The following NPY1R variants were observed in gnomAD, a reference collection of about 807,000 sequenced individuals.
NPY1R encodes neuropeptide Y receptor type 1.
In NPY1R, 10 loss-of-function variants were observed where a neutral mutation model predicts 24.1. The ratio of observed to expected loss-of-function variants is 0.42; its 90% CI spans 0.26 to 0.71. The LOEUF is 0.71. Ranked by LOEUF, NPY1R falls within the 30% of genes least tolerant of loss-of-function variation. The pLI, the probability that NPY1R is intolerant of heterozygous loss-of-function variation, is 0.28. For missense variants in NPY1R, 350 were observed against 458.0 expected (o/e 0.76, Z 2.15); for synonymous variants, 168 against 165.9 (o/e 1.01, Z -0.10).
intron 1 of NPY1R, among the ~76,000 whole-genome samples, chr4:163,327,863 T>C (rs1428292934): frequency 6.6e-6 from 1 of 152,130 alleles, no homozygotes; most frequent in African/African-American, 2.4e-5. Context: ...ACTAAGTAAA[T>C]ATGTGAGACG....
intron 1 of NPY1R, among the ~76,000 whole-genome samples, chr4:163,342,227 A>G (rs1337169658): frequency 2.0e-5 from 3 of 152,328 alleles, no homozygotes; most frequent in East Asian, 1.9e-4. Flanking sequence ...AAAAAATAAG[A>G]TTTTTTAATA....
chr4:163,332,283 T>C (rs141250862), intron 1 of NPY1R, among the ~76,000 whole-genome samples, 199 bp downstream of exon 1: 1 of 151,964 alleles, frequency 6.6e-6, no homozygotes, highest in Non-Finnish European at 1.5e-5. Context: ...ACCCGCGTCG[T>C]CCCCATACCC....
upstream of NPY1R, among the ~76,000 whole-genome samples, chr4:163,336,547 G>A (rs1468846382): frequency 1.3e-5 from 2 of 152,030 alleles, no homozygotes; most frequent in South Asian, 2.1e-4. Context: ...CCTGACTCCC[G>A]CTCCCCAAAA....
intron 1 of NPY1R, among the ~76,000 whole-genome samples, chr4:163,341,794 C>T (rs1734986122): frequency 2.0e-5 from 3 of 152,136 alleles, no homozygotes; most frequent in Admixed American, 1.3e-4. Flanking sequence ...TATTCCCCTT[C>T]GCTAAGATGT....
At chr4:163,333,141 T>A (rs1349735579), upstream of NPY1R, 1 of 152,180 alleles carries the variant, frequency 6.6e-6, no homozygotes, top group Non-Finnish European at 1.5e-5. Flanking sequence ...GTCAAAGCAG[T>A]CAATCGGCCC....
chr4:163,334,974 C>G (rs969402078), upstream of NPY1R, among the ~76,000 whole-genome samples: 3 of 151,774 alleles, frequency 2.0e-5, no homozygotes, highest in Non-Finnish European at 4.4e-5. Flanking sequence ...TAGACATGGT[C>G]CAATGGCCAA....
intron 1 of NPY1R, among the ~76,000 whole-genome samples, chr4:163,331,933 GT>G (rs1734738607): frequency 6.6e-6 from 1 of 152,178 alleles, no homozygotes; most frequent in Admixed American, 6.5e-5. Flanking sequence ...GCGCGCTGGG[GT>G]CCGCGCCGAG....
chr4:163,329,784 C>G (rs1228920798), intron 1 of NPY1R, among the ~76,000 whole-genome samples: 1 of 151,904 alleles, frequency 6.6e-6, no homozygotes, highest in African/African-American at 2.4e-5. Flanking sequence ...ACAAAAATCC[C>G]TAAGGCCCAT....
chr4:163,330,844 T>TA (rs1734709101), intron 1 of NPY1R: 1 of 152,218 alleles, frequency 6.6e-6, no homozygotes, highest in Admixed American at 6.5e-5. Context: ...CTGCTGCAGA[T>TA]ACATTTTTTC....
chr4:163,333,995 C>T (rs1734787289), upstream of NPY1R, among the ~76,000 whole-genome samples: 1 of 150,396 alleles, frequency 6.6e-6, no homozygotes, highest in South Asian at 2.1e-4. Context: ...TTTATACACA[C>T]ACACACATAT....
Position 163,325,245 on chromosome 4 carries a change from T to C in NPY1R, c.*58A>G. ...GGGAGAACAGGTAATCAAAGTATGT[T>C]GCAGGTTGTGCTTGTTTTTAAACAG... is the stretch of plus-strand genomic sequence containing the variant. On this transcript the variant is annotated 3_prime_UTR_variant, in exon 3 of 3. Transcript: ENST00000296533. The C allele has an allele frequency of 8.5e-7, 1 of 1,177,912 alleles. No homozygotes were observed. Among genetic ancestry groups the C allele is most frequent in the Non-Finnish European group, 1.2e-6 (1 of 817,848 alleles). 73.0% of individuals were successfully genotyped at this position (1,177,912 alleles called of 1,614,324 possible).
upstream of NPY1R, among the ~76,000 whole-genome samples, chr4:163,335,805 C>A (rs1734828527): frequency 6.6e-6 from 1 of 151,732 alleles, no homozygotes; most frequent in Non-Finnish European, 1.5e-5. Flanking sequence ...ATTTTATGGA[C>A]CACCAAGAAA....
chr4:163,343,130 A>G (rs1421295541), intron 1 of NPY1R, among the ~76,000 whole-genome samples: 12 of 152,026 alleles, frequency 7.9e-5, no homozygotes, highest in Non-Finnish European at 1.5e-5. Context: ...GAAGGAACAG[A>G]AGGACAGGTT....
upstream of NPY1R, among the ~76,000 whole-genome samples, chr4:163,336,562 A>G (rs1188049549): frequency 6.6e-6 from 1 of 152,106 alleles, no homozygotes; most frequent in Non-Finnish European, 1.5e-5. Flanking sequence ...CCAAAATCTC[A>G]AGCTTGGTAT....
intron 1 of NPY1R, among the ~76,000 whole-genome samples, chr4:163,342,589 A>C (rs1312979264): frequency 6.6e-6 from 1 of 152,222 alleles, no homozygotes; most frequent in Non-Finnish European, 1.5e-5. Flanking sequence ...AGAATAAAAC[A>C]GGAACTGTGT....
chr4:163,329,063 A>G (rs185846435), intron 1 of NPY1R, among the ~76,000 whole-genome samples: 1 of 152,248 alleles, frequency 6.6e-6, no homozygotes, highest in African/African-American at 2.4e-5. Flanking sequence ...CAACAGCCGT[A>G]CTCCTAGGTC....
chr4:163,338,553 CT>C (rs1376405412), intron 1 of NPY1R, among the ~76,000 whole-genome samples: 8 of 152,136 alleles, frequency 5.3e-5, no homozygotes, highest in Non-Finnish European at 7.4e-5. Context: ...ATCATTGTCT[CT>C]AGAAGTTCTC....
rs33912404 is a variant in NPY1R at position 163,343,018 on chromosome 4, ACG to A, written c.-152+1285_-152+1286del. Reference sequence around the variant, plus strand: ...CACACACACACACACACACACACACACGCGCGCGCGCCTAAAGTACCTGCCAC... The same window carrying A: ...CACACACACACACACACACACACACACGCGCGCGCCTAAAGTACCTGCCAC... On this transcript the variant is annotated intron_variant, in intron 1 of 1. Transcript: ENST00000511901. Among the ~76,000 whole-genome samples, 736 of 135,000 alleles carry A rather than the reference ACG, an allele frequency of 5.5e-3. 9 individuals are homozygous for A. Among genetic ancestry groups the A allele is most frequent in the East Asian group, 0.039 (177 of 4,504 alleles). The allele number at this position is 135,000 out of a possible 152,430, so 88.6% of individuals were successfully genotyped here. A position where few individuals can be genotyped will look rare whatever the true frequency, so the allele number is the denominator to read the frequency against.
upstream of NPY1R, among the ~76,000 whole-genome samples, chr4:163,333,667 AC>A (rs1677584760): frequency 3.9e-5 from 6 of 152,194 alleles, no homozygotes; most frequent in Admixed American, 3.9e-4. Context: ...AAATTCCAAG[AC>A]AAGTGGACTC....
Sources: allele counts gnomAD v4.1 joint callset (sites outside exome capture counted in the v4.1 genomes callset), GRCh38; gene constraint gnomAD v4.1.1; transcripts MANE v1.5; gene names NCBI Gene and HGNC (gene_info 2026-07-23, HGNC 2026-07-21).